Variants in SCART1 observed in about 807,000 individuals in gnomAD.
SCART1 encodes scavenger receptor cysteine-rich domain-containing protein SCART1.
Under a neutral mutation model 36.2 loss-of-function variants are expected in SCART1, and 62 were observed. The observed-to-expected ratio is 1.71, with a 90% confidence interval of 1.40 to 2.12. The LOEUF (loss-of-function observed/expected upper bound fraction) is 2.12. Among genes scored for constraint, SCART1 ranks in the 30% most tolerant of loss-of-function variants. SCART1 has a pLI of 0.00. For missense variants in SCART1, 1,041 were observed against 540.5 expected, an observed-to-expected ratio of 1.93 and a Z score of -9.18; for synonymous variants, 487 against 238.7, an observed-to-expected ratio of 2.04 and a Z score of -9.59.
At chr10:133,454,890 A>G (rs900399723) in intron 1 of SCART1, among the ~76,000 whole-genome samples, 3 of 152,096 alleles carry the variant, frequency 2.0e-5, no homozygotes, top group African/African-American at 7.2e-5. Context: ...GGTTGAAGGG[A>G]TTTGCTTTTG....
chr10:133,465,420 C>T (rs551191992), exon 9 of SCART1: 24 of 574,196 alleles, frequency 4.2e-5, no homozygotes, highest in Middle Eastern at 3.8e-4. Flanking sequence ...CCCTGGGGGC[C>T]GCCGCCTTTG....
chr10:133,468,003 C>A, exon 12 of SCART1: 2 of 649,774 alleles, frequency 3.1e-6, no homozygotes, highest in South Asian at 3.3e-5. Context: ...AGCTGGCTGT[C>A]GAAATCACAG....
At chr10:133,460,702 C>T (rs940957356) in intron 6 of SCART1, among the ~76,000 whole-genome samples, 2 of 150,814 alleles carry the variant, frequency 1.3e-5, no homozygotes, top group African/African-American at 4.9e-5. Context: ...CCGCTGGCTT[C>T]AGATTCTTAA....
At chr10:133,464,468 A>G (rs2492655) in intron 6 of SCART1, 138 bp from the exon 7 acceptor site, 420,158 of 585,174 alleles carry the variant, frequency 0.72, 155,401 homozygotes, top group Non-Finnish European at 0.79. Context: ...GCTCTAGTTT[A>G]AATTTTCTGA....
chr10:133,454,268 G>GCC (rs1172851767), intron 1 of SCART1, among the ~76,000 whole-genome samples: 3 of 152,152 alleles, frequency 2.0e-5, no homozygotes, highest in African/African-American at 4.8e-5. Flanking sequence ...CCAGACCCTA[G>GCC]CCCCACTGCT....
intron 1 of SCART1, 92 bp from the exon 2 acceptor site, chr10:133,456,145 C>A (rs989085194): frequency 3.1e-6 from 2 of 643,586 alleles, no homozygotes; most frequent in Admixed American, 2.2e-5. Flanking sequence ...GCTGCTGAGG[C>A]CTCACAGGCC....
chr10:133,464,661 C>T (rs887329850), exon 7 of SCART1: 12 of 686,188 alleles, frequency 1.7e-5, no homozygotes, highest in East Asian at 1.1e-4. Context: ...GGTGGCTGGA[C>T]GTGTTCTACA....
intron 6 of SCART1, among the ~76,000 whole-genome samples, chr10:133,461,892 G>C (rs1459651624): frequency 6.6e-6 from 1 of 152,166 alleles, no homozygotes; most frequent in Non-Finnish European, 1.5e-5. Flanking sequence ...TCCTCCGGTG[G>C]CTGCTTTATT....
chr10:133,463,200 T>C (rs1016097803), intron 6 of SCART1, among the ~76,000 whole-genome samples: 2 of 152,050 alleles, frequency 1.3e-5, no homozygotes, highest in African/African-American at 4.8e-5. Context: ...TCTCTGAACA[T>C]GGGGCTGAGG....
intron 6 of SCART1, among the ~76,000 whole-genome samples, chr10:133,463,586 A>G (rs1020549165): frequency 1.3e-5 from 2 of 150,732 alleles, no homozygotes; most frequent in Non-Finnish European, 2.9e-5. Context: ...TTCATTTAAC[A>G]TAATGTCCTC....
At chr10:133,456,369 G>C in exon 2 of SCART1, 1 of 702,930 alleles carries the variant, frequency 1.4e-6, no homozygotes, top group Non-Finnish European at 2.6e-6. Flanking sequence ...GTCGTGTGCA[G>C]GCAGCTGGGC....
chr10:133,468,032 A>G (rs138238086), exon 12 of SCART1: 8 of 627,608 alleles, frequency 1.3e-5, no homozygotes, highest in East Asian at 5.6e-5. Context: ...TTTCTTGTAC[A>G]ATTGTAGTGG....
intron 6 of SCART1, among the ~76,000 whole-genome samples, chr10:133,460,496 A>ATATATATATATATATATTTTTTTTTTT: frequency 7.4e-6 from 1 of 136,016 alleles, no homozygotes; most frequent in Non-Finnish European, 1.6e-5. Context: ...ATATTTATAT[A>ATATATATATATATATATTTTTTTTTTT]TTTTAAAAAA....
exon 6 of SCART1, chr10:133,459,986 G>A: frequency 1.8e-6 from 1 of 542,580 alleles, no homozygotes; most frequent in Non-Finnish European, 3.2e-6. Flanking sequence ...TGGTCTGCAG[G>A]CAGCTGGGCT....
intron 3 of SCART1, chr10:133,458,066 G>A: frequency 1.6e-6 from 1 of 625,350 alleles, no homozygotes; most frequent in Non-Finnish European, 2.9e-6. Context: ...TCGCCTCTGG[G>A]ATTGCAGAGG....
exon 12 of SCART1, chr10:133,469,076 C>T (rs1037800969): frequency 3.3e-5 from 5 of 152,186 alleles, no homozygotes; most frequent in Admixed American, 3.3e-4. Context: ...GCCATTCTAA[C>T]TGGCATGAGA....
chr10:133,464,346 GC>G (rs1188593598), intron 6 of SCART1: 47 of 420,288 alleles, frequency 1.1e-4, no homozygotes, highest in African/African-American at 8.8e-4. Flanking sequence ...GAACCTGGGT[GC>G]TGCAGTGAAC....
chr10:133,457,955 CTTG>C (rs1367546872), intron 3 of SCART1: 31 of 512,342 alleles, frequency 6.1e-5, no homozygotes, highest in South Asian at 4.3e-4. Context: ...AGCTCCTGGC[CTTG>C]TTGTGCATAT....
At chr10:133,463,935 A>C (rs1409149732) in intron 6 of SCART1, among the ~76,000 whole-genome samples, 2 of 152,124 alleles carry the variant, frequency 1.3e-5, no homozygotes, top group African/African-American at 4.8e-5. Context: ...ATCCAGCTGT[A>C]ATTTTGTATC....
Sources: allele counts gnomAD v4.1 joint callset (sites outside exome capture counted in the v4.1 genomes callset), GRCh38; gene constraint gnomAD v4.1.1; transcripts MANE v1.5; gene names NCBI Gene and HGNC (gene_info 2026-07-23, HGNC 2026-07-21).